The following FAF1 variants were observed in gnomAD, a reference collection of about 807,000 sequenced individuals.
The protein encoded by FAF1 is FAS-associated factor 1.
FAF1 carries 25 observed loss-of-function variants against 92.5 expected under a neutral mutation model. The observed-to-expected ratio is 0.27, with a 90% CI of 0.20 to 0.38. FAF1 has a LOEUF of 0.38. Among genes scored for constraint, FAF1 ranks in the 10% least tolerant of loss-of-function variants. The probability of loss-of-function intolerance (pLI) is 1.00; values close to 1 mark genes in which losing one functional copy is unlikely to be tolerated. For missense variants in FAF1, 636 were observed against 793.3 expected, an observed-to-expected ratio of 0.80 and a Z score of 2.38; for synonymous variants, 234 against 273.2, an observed-to-expected ratio of 0.86 and a Z score of 1.42.
chr1:50,947,270 A>G (rs1309619205), intron 1 of FAF1, among the ~76,000 whole-genome samples: 1 of 152,234 alleles, frequency 6.6e-6, no homozygotes, highest in East Asian at 1.9e-4. Context: ...TAGTTCAATC[A>G]TTAAAGAATC....
At chr1:50,550,307 C>G (rs188501650) in intron 13 of FAF1, among the ~76,000 whole-genome samples, 3 of 147,406 alleles carry the variant, frequency 2.0e-5, no homozygotes, top group African/African-American at 7.5e-5. Context: ...ATCGAGATCG[C>G]GCCCCTGCAC....
At chr1:50,943,558 A>C (rs1262931608) in intron 1 of FAF1, among the ~76,000 whole-genome samples, 1 of 152,164 alleles carries the variant, frequency 6.6e-6, no homozygotes, top group Non-Finnish European at 1.5e-5. Flanking sequence ...AGGTGTTGTC[A>C]TTGGTTAGTT....
intron 1 of FAF1, among the ~76,000 whole-genome samples, chr1:50,891,791 G>T (rs1238671987): frequency 6.6e-6 from 1 of 152,224 alleles, no homozygotes; most frequent in Non-Finnish European, 1.5e-5. Context: ...TCCCAGTTAG[G>T]CTACTCAGGG....
At position 50,915,371 on chromosome 1, in the gene FAF1, A is replaced by C. The variant is rs1644912614; in HGVS notation, c.45+44396T>G. On this transcript the variant is annotated intron_variant, in intron 1 of 18. Transcript: ENST00000396153. ...GGCAACAAGAGCGAAACTCCATCTC[A>C]AAAAAAAAAAAAAAAAGAACAACTT... Among the ~76,000 whole-genome samples, 11 of 139,562 alleles carry C rather than the reference A, an allele frequency of 7.9e-5. No homozygotes were observed. The South Asian group carries it at 2.5e-3, about 31-fold the overall frequency. 91.6% of individuals were successfully genotyped at this position (139,562 alleles called of 152,430 possible).
At chr1:50,777,378 A>G (rs1463450941) in intron 4 of FAF1, among the ~76,000 whole-genome samples, 1 of 152,154 alleles carries the variant, frequency 6.6e-6, no homozygotes, top group Non-Finnish European at 1.5e-5. Flanking sequence ...AGCTATGGTC[A>G]TATCACTGCA....
intron 2 of FAF1, among the ~76,000 whole-genome samples, chr1:50,843,393 T>C (rs1025348951): frequency 6.6e-6 from 1 of 152,178 alleles, no homozygotes; most frequent in Non-Finnish European, 1.5e-5. Flanking sequence ...TTTATTTGTG[T>C]TGGGGACACT....
intron 6 of FAF1, among the ~76,000 whole-genome samples, chr1:50,716,177 C>T (rs1658162079): frequency 6.6e-6 from 1 of 152,186 alleles, no homozygotes; most frequent in African/African-American, 2.4e-5. Context: ...CTCCTGCCAA[C>T]TAGCAGCAGG....
intron 12 of FAF1, among the ~76,000 whole-genome samples, chr1:50,576,281 C>T (rs553106730): frequency 6.6e-6 from 1 of 152,194 alleles, no homozygotes; most frequent in Admixed American, 6.5e-5. Context: ...AGGCTCATTA[C>T]TTGTTTAGGG....
chr1:50,878,473 G>C (rs1378620358), intron 1 of FAF1, among the ~76,000 whole-genome samples: 1 of 152,132 alleles, frequency 6.6e-6, no homozygotes, highest in Non-Finnish European at 1.5e-5. Context: ...TTCACCCTAA[G>C]ACCTAGAGCT....
Position 50,826,196 on chromosome 1 carries a change from T to C in FAF1, c.115-24519A>G, listed in dbSNP as rs775349092. On this transcript the variant is annotated intron_variant, in intron 2 of 18. Coordinates refer to ENST00000396153, the MANE Select transcript of FAF1 (RefSeq NM_007051.3). ...TTTTAAAAAGAGTAAACAAATACTC[T>C]TTCTTGTGTGGAGAAAGCCACAAAT... Among the ~76,000 whole-genome samples the C allele has an allele frequency of 1.4e-4, 21 of 152,322 alleles. No homozygotes were observed. The Middle Eastern group carries it at 0.01, about 74-fold the overall frequency.
At chr1:50,803,083 T>C (rs377300593) in intron 2 of FAF1, among the ~76,000 whole-genome samples, 6 of 152,344 alleles carry the variant, frequency 3.9e-5, no homozygotes, top group Middle Eastern at 3.4e-3. Flanking sequence ...TGTAAATCCT[T>C]TGAGTAAAGC....
intron 8 of FAF1, among the ~76,000 whole-genome samples, chr1:50,645,041 A>G (rs1654519921): frequency 6.6e-6 from 1 of 152,150 alleles, no homozygotes; most frequent in Non-Finnish European, 1.5e-5. Context: ...ACTTTCTTCT[A>G]CTGCTTTCAA....
At chr1:50,526,880 G>C (rs1238936275) in intron 15 of FAF1, among the ~76,000 whole-genome samples, 14 of 150,056 alleles carry the variant, frequency 9.3e-5, no homozygotes, top group Non-Finnish European at 1.6e-4. Flanking sequence ...TTTTGAGACA[G>C]AGACTTGCTC....
intron 5 of FAF1, among the ~76,000 whole-genome samples, chr1:50,743,119 CTG>C (rs1388952584): frequency 6.6e-6 from 1 of 152,292 alleles, no homozygotes; most frequent in East Asian, 1.9e-4. Context: ...CTATCTGACT[CTG>C]TACAGAAAAA....
chr1:50,692,151 G>A (rs1305990044), intron 7 of FAF1, among the ~76,000 whole-genome samples: 1 of 152,044 alleles, frequency 6.6e-6, no homozygotes, highest in East Asian at 1.9e-4. Flanking sequence ...GGGAGTTCGA[G>A]CATGCAGTGA....
intron 12 of FAF1, among the ~76,000 whole-genome samples, chr1:50,579,918 T>C (rs1022086479): frequency 1.3e-5 from 2 of 152,200 alleles, no homozygotes; most frequent in Non-Finnish European, 2.9e-5. Flanking sequence ...CACTGGATAG[T>C]AGATAATATT....
intron 12 of FAF1, among the ~76,000 whole-genome samples, chr1:50,567,836 T>C (rs115307512): frequency 0.013 from 1,985 of 152,226 alleles, 43 homozygotes; most frequent in African/African-American, 0.044. Flanking sequence ...TAGAAAAATA[T>C]TCAGTTCACA....
chr1:50,595,089 T>C (rs1358693836), intron 9 of FAF1, among the ~76,000 whole-genome samples: 1 of 151,854 alleles, frequency 6.6e-6, no homozygotes, highest in East Asian at 1.9e-4. Flanking sequence ...AATTTCACTC[T>C]TGTTGCCCAG....
chr1:50,897,622 A>G (rs565001630), intron 1 of FAF1, among the ~76,000 whole-genome samples: 1 of 152,346 alleles, frequency 6.6e-6, no homozygotes, highest in African/African-American at 2.4e-5. Context: ...TTCACTATAA[A>G]GTCGACCTAA....
Sources: allele counts gnomAD v4.1 joint callset (sites outside exome capture counted in the v4.1 genomes callset), GRCh38; gene constraint gnomAD v4.1.1; transcripts MANE v1.5; gene names NCBI Gene and HGNC (gene_info 2026-07-23, HGNC 2026-07-21).